GLI2: variants seen among roughly 807,000 people sequenced by gnomAD.
GLI2 encodes the protein GLI family zinc finger 2.
In GLI2, 22 loss-of-function variants were observed where a neutral mutation model predicts 78.9. The ratio of observed to expected loss-of-function variants is 0.28; its 90% CI spans 0.20 to 0.40. The LOEUF (loss-of-function observed/expected upper bound fraction) is 0.40. Ranked by LOEUF, GLI2 falls within the 10% of genes least tolerant of loss-of-function variation. The pLI is 1.00. For synonymous variants in GLI2, 974 were observed against 963.7 expected (o/e 1.01, Z -0.20); for missense variants, 2,097 against 2,213.2 (o/e 0.95, Z 1.05).
At chr2:120,900,953 C>CAG (rs1678221627) in intron 2 of GLI2, among the ~76,000 whole-genome samples, 1 of 152,176 alleles carries the variant, frequency 6.6e-6, no homozygotes, top group East Asian at 1.9e-4. Flanking sequence ...AGAGGGAGAA[C>CAG]AGAGCCCTCT....
intron 2 of GLI2, among the ~76,000 whole-genome samples, chr2:120,922,097 G>C (rs1174082535): frequency 6.6e-6 from 1 of 152,148 alleles, no homozygotes; most frequent in Non-Finnish European, 1.5e-5. Context: ...TCCTCTCACT[G>C]GGCCATGGTG....
chr2:120,910,840 G>A lies in GLI2; in HGVS notation c.149-16521G>A, dbSNP rs548847752. Among the ~76,000 whole-genome samples, 6 of 152,360 alleles carry A rather than the reference G, an allele frequency of 3.9e-5. No homozygotes were observed. The East Asian group carries it at 7.7e-4, about 20-fold the overall frequency. ...GGTACCTGGGCAGCACTTAGATGCC[G>A]CTGCATGGCAGACCCATTCTGTTTT... On this transcript the variant is annotated intron_variant, in intron 2 of 13. Transcript: ENST00000361492.
rs1682393252 is a variant in GLI2 at position 120,737,223 on chromosome 2, C to T, written c.-31+938C>T. ...GGAGCTGGGAGGGAGCGTGTGCTTG[C>T]GTGTGTGAGTGTGAGCGCGCCCGCC... On this transcript the variant is annotated intron_variant, in intron 1 of 13. Coordinates refer to ENST00000361492, the MANE Select transcript of GLI2 (RefSeq NM_001374353.1). The surrounding 1 kb of genome is among the most constrained non-coding windows in gnomAD (Gnocchi z 4.3). Among the ~76,000 whole-genome samples the T allele has an allele frequency of 6.6e-6, 1 of 152,058 alleles. No individual in the cohort carries two copies. Among genetic ancestry groups the T allele is most frequent in the Non-Finnish European group, 1.5e-5 (1 of 68,008 alleles).
At chr2:120,936,022 G>A (rs866761864) in intron 3 of GLI2, among the ~76,000 whole-genome samples, 18 of 151,736 alleles carry the variant, frequency 1.2e-4, no homozygotes, top group South Asian at 4.2e-4. Context: ...TGGGGGAGGG[G>A]CTGCGGCAGG....
chr2:120,761,248 G>T (rs930581561), intron 1 of GLI2, among the ~76,000 whole-genome samples: 2 of 152,152 alleles, frequency 1.3e-5, no homozygotes, highest in African/African-American at 4.8e-5. Context: ...CCAGGGATGG[G>T]GACATATGGG....
chr2:120,913,959 G>T (rs1196675355), intron 2 of GLI2, among the ~76,000 whole-genome samples: 1 of 152,238 alleles, frequency 6.6e-6, no homozygotes, highest in Admixed American at 6.5e-5. Flanking sequence ...CTCTCGGCAG[G>T]ACGCAAGGCA....
At chr2:120,902,335 G>A (rs868590529) in intron 2 of GLI2, among the ~76,000 whole-genome samples, 1 of 152,122 alleles carries the variant, frequency 6.6e-6, no homozygotes, top group Admixed American at 6.5e-5. Flanking sequence ...AGGGTCCAGT[G>A]AGAGAAGAAG....
chr2:120,916,748 C>T (rs1041828849), intron 2 of GLI2, among the ~76,000 whole-genome samples: 2 of 152,220 alleles, frequency 1.3e-5, no homozygotes, highest in East Asian at 1.9e-4. Context: ...GAGAACTCTG[C>T]CCTGGGTGGT....
intron 2 of GLI2, among the ~76,000 whole-genome samples, chr2:120,901,511 C>T (rs1558869342): frequency 1.3e-5 from 2 of 152,192 alleles, no homozygotes. Context: ...TGCAGGTCTT[C>T]CTGGCCCCAG....
rs140845246 is a variant in GLI2, at chr2:120,965,983, A to C, written c.644-2731A>C. On this transcript the variant is annotated intron_variant, in intron 5 of 13. Coordinates refer to ENST00000361492, the MANE Select transcript of GLI2 (RefSeq NM_001374353.1). ...CTGTGTACCCACTGTAGCTCTGCTT[A>C]CTAAAATATCTGTAAGCCCCAGTCT... Among the ~76,000 whole-genome samples the C allele has an allele frequency of 1.2e-3, 188 of 152,344 alleles. 2 individuals carry two copies. The East Asian group carries it at 0.027, about 22-fold the overall frequency.
intron 1 of GLI2, among the ~76,000 whole-genome samples, chr2:120,775,763 G>A (rs1231226314): frequency 1.3e-5 from 2 of 152,234 alleles, no homozygotes; most frequent in Non-Finnish European, 2.9e-5. Context: ...TGGGCATGCT[G>A]TCAGAGCTTC....
chr2:120,952,716 C>A lies in GLI2; in HGVS notation c.457+1271C>A, dbSNP rs12617271. Among the ~76,000 whole-genome samples the A allele has an allele frequency of 6.5e-4, 99 of 152,354 alleles. 3 individuals carry two copies. The East Asian group carries it at 0.019, about 29-fold the overall frequency. ...TCAGCCCTGAACTCTGCGTGCGTCC[C>A]CTGTGTGGCCTTGACCAAGCTGGGG... On this transcript the variant is annotated intron_variant, in intron 4 of 13. Coordinates refer to ENST00000361492, the MANE Select transcript of GLI2 (RefSeq NM_001374353.1).
At chr2:120,802,156 G>A (rs1684736108) in intron 2 of GLI2, among the ~76,000 whole-genome samples, 1 of 152,162 alleles carries the variant, frequency 6.6e-6, no homozygotes, top group African/African-American at 2.4e-5. Flanking sequence ...GGCCTCTGTT[G>A]CCTGACTTCC....
chr2:120,774,503 C>T (rs1210967802), intron 1 of GLI2, among the ~76,000 whole-genome samples: 2 of 152,218 alleles, frequency 1.3e-5, no homozygotes, highest in Non-Finnish European at 2.9e-5. Flanking sequence ...CACTAATTTA[C>T]TATCTAAGAT....
chr2:120,949,830 G>T (rs2104945380), intron 3 of GLI2, among the ~76,000 whole-genome samples: 1 of 152,326 alleles, frequency 6.6e-6, no homozygotes, highest in Admixed American at 6.5e-5. Flanking sequence ...GATGTCACCT[G>T]TTTGGGTCCT....
At chr2:120,956,579 G>C (rs913133969) in intron 5 of GLI2, among the ~76,000 whole-genome samples, 9 of 152,076 alleles carry the variant, frequency 5.9e-5, no homozygotes, top group African/African-American at 2.2e-4. Flanking sequence ...CCTGGCCAGC[G>C]GCACACAGGG....
Position 120,988,471 on chromosome 2 carries a change from G to C in GLI2, c.2506G>C (p.Asp836His). 6.4e-7 allele frequency: 1 copy of C among 1,562,170 alleles called. No homozygotes were observed. Among genetic ancestry groups the C allele is most frequent in the Non-Finnish European group, 8.6e-7 (1 of 1,163,848 alleles). ...CCGCCCGCACAACGCGAGCTCCGCT[G>C]ACTCCTACGACCCCATCTCCACGGA... ...AGRPHNASSA[D>H]SYDPISTDAS... Residue 836 changes from aspartate (D) to histidine (H), a missense_variant, in exon 14 of 14, where the codon GAC becomes CAC. Coordinates refer to ENST00000361492, the MANE Select transcript of GLI2 (RefSeq NM_001374353.1).
At chr2:120,914,070 C>T (rs1678969320) in intron 2 of GLI2, among the ~76,000 whole-genome samples, 1 of 152,212 alleles carries the variant, frequency 6.6e-6, no homozygotes. Context: ...CTTCACGACC[C>T]GTGGGGACCA....
Position 120,871,013 on chromosome 2 carries a change from G to A in GLI2, c.149-56348G>A, listed in dbSNP as rs1380683451. Among the ~76,000 whole-genome samples the A allele has an allele frequency of 2.0e-5, 3 of 152,180 alleles. No homozygotes were observed. The East Asian group carries it at 5.8e-4, about 29-fold the overall frequency. On this transcript the variant is annotated intron_variant, in intron 2 of 13. Transcript: ENST00000361492. The stretch of plus-strand genomic sequence containing the variant: ...CAACCCCTATTCCTTAATTGAGAAA[G>A]GCAAATCCTGGGACTTGAATAAGGA...
Sources: allele counts gnomAD v4.1 joint callset (sites outside exome capture counted in the v4.1 genomes callset), GRCh38; gene constraint gnomAD v4.1.1; non-coding constraint Gnocchi (gnomAD v3.1); transcripts MANE v1.5; gene names NCBI Gene and HGNC (gene_info 2026-07-23, HGNC 2026-07-21).